Variants in TTC28 observed in about 807,000 individuals in gnomAD.
TTC28 encodes tetratricopeptide repeat domain 28.
In TTC28, 61 loss-of-function variants were observed where a neutral mutation model predicts 198.0. The ratio of observed to expected loss-of-function variants is 0.31; its 90% CI spans 0.25 to 0.38. TTC28 has a LOEUF of 0.38. Among genes scored for constraint, TTC28 ranks in the 10% least tolerant of loss-of-function variants. The pLI, the probability that TTC28 is intolerant of heterozygous loss-of-function variation, is 1.00. For missense variants in TTC28, 2,678 were observed against 3,164.0 expected (o/e 0.85, Z 3.69); for synonymous variants, 1,171 against 1,297.8 (o/e 0.90, Z 2.10).
Position 27,992,609 on chromosome 22 carries a change from G to C in TTC28, c.5531C>G (p.Thr1844Arg), listed in dbSNP as rs747516056. ...ALCKLITASETGEQLISRAVK... is the reference protein window; with the variant it reads ...ALCKLITASERGEQLISRAVK... ...TACCCGGCTGATGAGCTGCTCGCCC[G>C]TCTCGGAGGCAGTGATGAGTTTGCA... The change falls in exon 19 of 23, where the codon ACG becomes AGG. Residue 1844 changes from threonine to arginine, a missense_variant. Physicochemically the swap from Thr to Arg is moderately conservative, Grantham distance 71. This residue lies in a region of TTC28 where 314 missense variants were observed against 442.7 expected (regional missense o/e 0.71). Coordinates refer to ENST00000397906, the MANE Select transcript of TTC28 (RefSeq NM_001145418.2). 5.2e-6 allele frequency: 8 copies of C among 1,551,512 alleles called. No homozygotes were observed. The South Asian group carries it at 7.1e-5, about 14-fold the overall frequency.
chr22:28,471,200 CT>C (rs1412024688), intron 2 of TTC28, among the ~76,000 whole-genome samples: 1 of 152,144 alleles, frequency 6.6e-6, no homozygotes, highest in East Asian at 1.9e-4. Context: ...CAGAACAACT[CT>C]TTTCCAAAAA....
At chr22:28,543,699 A>G (rs2049470758) in intron 2 of TTC28, among the ~76,000 whole-genome samples, 1 of 152,174 alleles carries the variant, frequency 6.6e-6, no homozygotes. Flanking sequence ...ACAATCCTAC[A>G]CAGACATTTT....
At chr22:28,150,670 C>G (rs567977322) in intron 6 of TTC28, among the ~76,000 whole-genome samples, 1 of 152,222 alleles carries the variant, frequency 6.6e-6, no homozygotes, top group Non-Finnish European at 1.5e-5. Flanking sequence ...TCTGCACTCA[C>G]CATTGCTGGC....
intron 10 of TTC28, among the ~76,000 whole-genome samples, chr22:28,097,898 T>C (rs1024299097): frequency 1.3e-5 from 2 of 152,204 alleles, no homozygotes; most frequent in Admixed American, 1.3e-4. Context: ...AACACTGTGA[T>C]TATAATAGAT....
intron 5 of TTC28, among the ~76,000 whole-genome samples, chr22:28,268,528 G>A (rs186232570): frequency 6.6e-6 from 1 of 152,322 alleles, no homozygotes; most frequent in African/African-American, 2.4e-5. Flanking sequence ...TGCATACTTA[G>A]TAGTAAGAAC....
chr22:28,384,857 G>T (rs2046552235), intron 2 of TTC28, among the ~76,000 whole-genome samples: 1 of 152,004 alleles, frequency 6.6e-6, no homozygotes, highest in Non-Finnish European at 1.5e-5. Flanking sequence ...AATTAGACAG[G>T]TGGCTGGGCG....
Position 28,191,084 on chromosome 22 carries a change from C to T in TTC28, c.934-27485G>A, listed in dbSNP as rs572539008. Among the ~76,000 whole-genome samples the T allele has an allele frequency of 3.3e-5, 5 of 152,316 alleles. No individual in the cohort carries two copies. In the East Asian group the frequency reaches 9.6e-4, roughly 29 times the overall value. On this transcript the variant is annotated intron_variant, in intron 5 of 22. Coordinates refer to ENST00000397906, the MANE Select transcript of TTC28 (RefSeq NM_001145418.2). ...TTAGTATCATCTCCCTCCTCAGAAC[C>T]TAGACCTCCTGGCATATTTCTTGTT...
At chr22:28,288,624 G>A (rs1413900613) in intron 5 of TTC28, among the ~76,000 whole-genome samples, 2 of 151,754 alleles carry the variant, frequency 1.3e-5, no homozygotes, top group South Asian at 2.1e-4. Flanking sequence ...TGGCTAACAC[G>A]GTGAAACCCC....
chr22:28,051,835 CCA>C (rs1246970345), intron 12 of TTC28, among the ~76,000 whole-genome samples: 2 of 152,136 alleles, frequency 1.3e-5, no homozygotes, highest in East Asian at 3.8e-4. Context: ...CACCCATCGT[CCA>C]CACAGTCTAC....
At chr22:28,546,138 A>G (rs1281233862) in intron 2 of TTC28, among the ~76,000 whole-genome samples, 1 of 152,264 alleles carries the variant, frequency 6.6e-6, no homozygotes, top group African/African-American at 2.4e-5. Context: ...GGTATGTAAT[A>G]AATCAATAGA....
chr22:28,519,714 TACTGCCTTAAAGTCAGCATGAGGAAAC>T (rs1357551949), intron 2 of TTC28, among the ~76,000 whole-genome samples: 1 of 152,210 alleles, frequency 6.6e-6, no homozygotes, highest in Non-Finnish European at 1.5e-5. Context: ...CTTATAAAAT[TACTGCCTTAAAGTCAGCATGAGGAAAC>T]ACATTTGAGC....
chr22:28,540,969 C>A (rs1268091373), intron 2 of TTC28, among the ~76,000 whole-genome samples: 2 of 152,150 alleles, frequency 1.3e-5, no homozygotes, highest in African/African-American at 4.8e-5. Context: ...ATAAGGGAGA[C>A]TAGCTGAAAG....
intron 6 of TTC28, among the ~76,000 whole-genome samples, chr22:28,113,700 T>C (rs1942553615): frequency 6.6e-6 from 1 of 152,224 alleles, no homozygotes; most frequent in African/African-American, 2.4e-5. Flanking sequence ...GTGGTGTCCA[T>C]GATTTGCTTT....
At chr22:28,598,492 G>C (rs1446168554) in intron 2 of TTC28, among the ~76,000 whole-genome samples, 1 of 115,460 alleles carries the variant, frequency 8.7e-6, no homozygotes, top group Non-Finnish European at 1.6e-5. Context: ...CTGGGCAACA[G>C]AGCGAGACTA....
At chr22:28,193,630 T>G (rs1283306273) in intron 5 of TTC28, among the ~76,000 whole-genome samples, 2 of 152,118 alleles carry the variant, frequency 1.3e-5, no homozygotes, top group Admixed American at 6.6e-5. Context: ...AGGCAGGGGT[T>G]GCAAACCTAG....
At chr22:28,371,598 A>ATTTTTTTTTTTATTTTT (rs2046337292) in intron 2 of TTC28, among the ~76,000 whole-genome samples, 1 of 27,764 alleles carries the variant, frequency 3.6e-5, no homozygotes, top group East Asian at 1.6e-3. Flanking sequence ...AAAAAAAAAA[A>ATTTTTTTTTTTATTTTT]TTTTTTTTTT....
At chr22:28,262,638 A>G (rs1261213674) in intron 5 of TTC28, among the ~76,000 whole-genome samples, 4 of 152,144 alleles carry the variant, frequency 2.6e-5, no homozygotes, top group African/African-American at 9.7e-5. Context: ...AAAAAATATG[A>G]ATAAAATAAA....
At chr22:28,161,990 T>C (rs993303157) in intron 6 of TTC28, among the ~76,000 whole-genome samples, 6 of 152,126 alleles carry the variant, frequency 3.9e-5, no homozygotes, top group African/African-American at 1.4e-4. Flanking sequence ...ATCAATAAGG[T>C]CAACTTCTCT....
chr22:28,248,555 G>A (rs1425591239), intron 5 of TTC28, among the ~76,000 whole-genome samples: 1 of 151,998 alleles, frequency 6.6e-6, no homozygotes, highest in Non-Finnish European at 1.5e-5. Context: ...CAGTTCAATA[G>A]TTAAGAAAGA....
Sources: allele counts gnomAD v4.1 joint callset (sites outside exome capture counted in the v4.1 genomes callset), GRCh38; gene constraint gnomAD v4.1.1; regional missense constraint gnomAD v4.1.1; transcripts MANE v1.5; gene names NCBI Gene and HGNC (gene_info 2026-07-23, HGNC 2026-07-21).